The following AMBRA1 variants were observed in gnomAD, a reference collection of about 807,000 sequenced individuals.
AMBRA1 encodes activating molecule in BECN1-regulated autophagy protein 1.
A neutral mutation model predicts 125.4 loss-of-function variants in AMBRA1; 47 were observed. The ratio of observed to expected loss-of-function variants is 0.37; its 90% CI spans 0.30 to 0.48. The LOEUF is 0.48. Ranked by LOEUF, AMBRA1 falls within the 20% of genes least tolerant of loss-of-function variation. The probability of loss-of-function intolerance (pLI) is 0.99; values close to 1 mark genes in which losing one functional copy is unlikely to be tolerated. For synonymous variants in AMBRA1, 626 were observed against 655.5 expected (o/e 0.95, Z 0.69); for missense variants, 1,331 against 1,693.4 (o/e 0.79, Z 3.76).
chr11:46,438,680 C>T (rs757034985), intron 12 of AMBRA1, among the ~76,000 whole-genome samples: 1 of 152,170 alleles, frequency 6.6e-6, no homozygotes, highest in Non-Finnish European at 1.5e-5. Context: ...CCTGTGGTAT[C>T]GCCTGCCCCA....
At chr11:46,588,588 C>A (rs900427192) in intron 1 of AMBRA1, among the ~76,000 whole-genome samples, 15 of 151,348 alleles carry the variant, frequency 9.9e-5, no homozygotes, top group Non-Finnish European at 1.6e-4. Context: ...CCAGCCTGAC[C>A]AACATGGTGA....
chr11:46,465,176 G>T (rs749949518), intron 11 of AMBRA1, among the ~76,000 whole-genome samples: 8 of 151,938 alleles, frequency 5.3e-5, no homozygotes, highest in African/African-American at 1.9e-4. Flanking sequence ...TATTCAAACC[G>T]ATCCAATCCT....
At chr11:46,424,626 C>G (rs557866011) in intron 14 of AMBRA1, among the ~76,000 whole-genome samples, 10 of 152,308 alleles carry the variant, frequency 6.6e-5, no homozygotes, top group Non-Finnish European at 1.3e-4. Context: ...ATAGGAAGAT[C>G]ACCTGGCACC....
intron 9 of AMBRA1, among the ~76,000 whole-genome samples, chr11:46,498,739 A>C (rs1270164850): frequency 1.3e-5 from 2 of 152,158 alleles, no homozygotes; most frequent in African/African-American, 2.4e-5. Context: ...AATGGCTCTG[A>C]CTTGGGCCTT....
At chr11:46,456,940 T>C (rs184324151) in intron 11 of AMBRA1, among the ~76,000 whole-genome samples, 1 of 151,758 alleles carries the variant, frequency 6.6e-6, no homozygotes, top group Non-Finnish European at 1.5e-5. Flanking sequence ...GACAAGAGAG[T>C]TAAAGCAAGA....
At chr11:46,452,627 C>T (rs939559478) in intron 11 of AMBRA1, among the ~76,000 whole-genome samples, 3 of 152,204 alleles carry the variant, frequency 2.0e-5, no homozygotes, top group Non-Finnish European at 4.4e-5. Context: ...AGGAAGAACA[C>T]TTAATCTTCT....
intron 7 of AMBRA1, among the ~76,000 whole-genome samples, chr11:46,532,093 T>C (rs562304975): frequency 1.3e-5 from 2 of 152,220 alleles, no homozygotes; most frequent in Non-Finnish European, 2.9e-5. Flanking sequence ...CACTCTAGCC[T>C]GGGTGACAGA....
intron 11 of AMBRA1, among the ~76,000 whole-genome samples, chr11:46,466,279 G>A (rs866870677): frequency 6.6e-5 from 10 of 152,120 alleles, no homozygotes; most frequent in African/African-American, 1.7e-4. Flanking sequence ...CCCAGGAGGC[G>A]GAGGTTGCAG....
chr11:46,582,625 G>A (rs913557681), intron 1 of AMBRA1, among the ~76,000 whole-genome samples: 1 of 152,124 alleles, frequency 6.6e-6, no homozygotes, highest in Admixed American at 6.6e-5. Flanking sequence ...TTGTTTGGAC[G>A]CGAATCCTGG....
chr11:46,504,283 C>T (rs1364738138), intron 9 of AMBRA1, among the ~76,000 whole-genome samples: 1 of 152,234 alleles, frequency 6.6e-6, no homozygotes, highest in Admixed American at 6.5e-5. Flanking sequence ...AAAGCATACA[C>T]ACCACCTCTT....
At chr11:46,524,887 C>T (rs1951901856) in intron 7 of AMBRA1, among the ~76,000 whole-genome samples, 1 of 152,366 alleles carries the variant, frequency 6.6e-6, no homozygotes, top group Admixed American at 6.5e-5. Context: ...ACCCCATCCA[C>T]GTAAACCAAC....
intron 6 of AMBRA1, 113 bp from the exon 7 acceptor site, chr11:46,543,511 TA>T: frequency 7.2e-7 from 1 of 1,380,638 alleles, no homozygotes; most frequent in Admixed American, 2.4e-5. Flanking sequence ...ACAATGTTCA[TA>T]GGTAGGAAAC....
At chr11:46,575,488 A>C (rs761596203) in intron 1 of AMBRA1, among the ~76,000 whole-genome samples, 1 of 150,298 alleles carries the variant, frequency 6.7e-6, no homozygotes, top group Non-Finnish European at 1.5e-5. Flanking sequence ...GCTTATAAAC[A>C]ACAGAAATTT....
chr11:46,456,665 G>C (rs1018634945), intron 11 of AMBRA1, among the ~76,000 whole-genome samples: 2 of 152,210 alleles, frequency 1.3e-5, no homozygotes, highest in Non-Finnish European at 2.9e-5. Context: ...AAGCACAAGC[G>C]AGTGGAATTG....
intron 8 of AMBRA1, among the ~76,000 whole-genome samples, chr11:46,510,486 G>A (rs1217767394): frequency 6.6e-6 from 1 of 152,196 alleles, no homozygotes; most frequent in African/African-American, 2.4e-5. Flanking sequence ...AGAGGAGAAA[G>A]AAGACCCTTT....
chr11:46,580,943 C>T (rs1411628998), intron 1 of AMBRA1, among the ~76,000 whole-genome samples: 1 of 151,966 alleles, frequency 6.6e-6, no homozygotes, highest in Non-Finnish European at 1.5e-5. Context: ...AGGTGTGAGC[C>T]ACCGCACCCA....
chr11:46,473,751 C>T (rs775781631), intron 11 of AMBRA1, among the ~76,000 whole-genome samples: 9 of 152,190 alleles, frequency 5.9e-5, no homozygotes, highest in African/African-American at 2.2e-4. Context: ...CGCGGGTTCA[C>T]ACCATTCTCC....
At chr11:46,438,670 CCT>C (rs1051628701) in intron 12 of AMBRA1, among the ~76,000 whole-genome samples, 1 of 152,144 alleles carries the variant, frequency 6.6e-6, no homozygotes, top group African/African-American at 2.4e-5. Context: ...CACTATATCC[CCT>C]GTGGTATCGC....
chr11:46,415,907 T>C (rs1946522773), intron 15 of AMBRA1, among the ~76,000 whole-genome samples: 2 of 152,190 alleles, frequency 1.3e-5, no homozygotes, highest in Admixed American at 6.5e-5. Flanking sequence ...CAAAGTCAGT[T>C]TCATGTTTGG....
Sources: gnomAD v4.1 joint callset for allele counts (sites outside exome capture counted in the v4.1 genomes callset) on GRCh38, gnomAD v4.1.1 for gene constraint, MANE v1.5 for transcripts, NCBI Gene and HGNC (gene_info 2026-07-23, HGNC 2026-07-21) for gene names.